The following SAMD12 variants were observed in gnomAD, a reference collection of about 807,000 sequenced individuals.
SAMD12 encodes the protein sterile alpha motif domain-containing protein 12.
A neutral mutation model predicts 15.0 loss-of-function variants in SAMD12; 9 were observed. The observed-to-expected ratio is 0.60, with a 90% CI of 0.36 to 1.05. The LOEUF is 1.05. Among genes scored for constraint, SAMD12 ranks in the 50% least tolerant of loss-of-function variants. SAMD12 has a pLI of 0.01. For synonymous variants in SAMD12, 86 were observed against 90.1 expected, an observed-to-expected ratio of 0.96 and a Z score of 0.25; for missense variants, 230 against 234.2, an observed-to-expected ratio of 0.98 and a Z score of 0.12.
intron 4 of SAMD12, among the ~76,000 whole-genome samples, chr8:118,304,897 C>T (rs1815241361): frequency 6.6e-6 from 1 of 151,086 alleles, no homozygotes; most frequent in African/African-American, 2.4e-5. Flanking sequence ...ACCTGTAATC[C>T]CAGCACTTTG....
intron 3 of SAMD12, among the ~76,000 whole-genome samples, chr8:118,425,353 T>G (rs561317273): frequency 6.6e-6 from 1 of 152,270 alleles, no homozygotes; most frequent in Admixed American, 6.5e-5. Flanking sequence ...AAAAATAAAC[T>G]GACAGAGTAA....
At chr8:118,155,346 C>T in the SAMD12 span, among the ~76,000 whole-genome samples, 4 of 152,032 alleles carry the variant, frequency 2.6e-5, no homozygotes, top group African/African-American at 4.8e-5. Flanking sequence ...AGAACGTGCT[C>T]GATGAACAGT....
chr8:118,221,804 T>C (rs1314935955), intron 4 of SAMD12, among the ~76,000 whole-genome samples: 1 of 152,240 alleles, frequency 6.6e-6, no homozygotes, highest in East Asian at 1.9e-4. Context: ...CTTGCGGCAA[T>C]TGTCAGAGTT....
chr8:118,136,837 G>T, the SAMD12 span, among the ~76,000 whole-genome samples: 6 of 152,284 alleles, frequency 3.9e-5, no homozygotes, highest in Admixed American at 1.3e-4. Context: ...TAATCAATCC[G>T]CAAGGAAGAA....
At chr8:118,229,514 CCTT>C (rs1812261454) in intron 4 of SAMD12, among the ~76,000 whole-genome samples, 1 of 152,112 alleles carries the variant, frequency 6.6e-6, no homozygotes, top group African/African-American at 2.4e-5. Flanking sequence ...AGCCTTCTCT[CCTT>C]CTCCTTTCTA....
At chr8:118,381,625 A>C (rs1819675148) in intron 3 of SAMD12, among the ~76,000 whole-genome samples, 1 of 152,204 alleles carries the variant, frequency 6.6e-6, no homozygotes, top group African/African-American at 2.4e-5. Context: ...CAGAGGTCAA[A>C]GTGAAGCGGC....
chr8:118,505,293 T>C (rs1824891504), intron 2 of SAMD12, among the ~76,000 whole-genome samples: 1 of 151,820 alleles, frequency 6.6e-6, no homozygotes, highest in Non-Finnish European at 1.5e-5. Flanking sequence ...TGGGAATTGG[T>C]GCTGCTGGCT....
intron 4 of SAMD12, among the ~76,000 whole-genome samples, chr8:118,286,740 G>C (rs549760372): frequency 4.6e-5 from 7 of 152,326 alleles, no homozygotes; most frequent in African/African-American, 1.7e-4. Flanking sequence ...CTATGTGCTA[G>C]TAGGACAAGG....
chr8:118,325,135 G>T (rs1222366236), intron 4 of SAMD12, among the ~76,000 whole-genome samples: 1 of 152,210 alleles, frequency 6.6e-6, no homozygotes, highest in African/African-American at 2.4e-5. Context: ...TCAACACAGG[G>T]ATACTGCTTT....
intron 4 of SAMD12, among the ~76,000 whole-genome samples, chr8:118,275,739 T>G (rs1404544381): frequency 1.3e-5 from 2 of 152,152 alleles, no homozygotes; most frequent in African/African-American, 2.4e-5. Context: ...ATCCCCAATG[T>G]CCATTGTAGC....
intron 4 of SAMD12, among the ~76,000 whole-genome samples, chr8:118,272,981 T>G (rs1813402472): frequency 6.6e-6 from 1 of 152,196 alleles, no homozygotes; most frequent in Non-Finnish European, 1.5e-5. Context: ...CTCTGCCTGT[T>G]ACCCAGTTCC....
At chr8:118,462,890 C>T (rs1437140863) in intron 2 of SAMD12, among the ~76,000 whole-genome samples, 1 of 151,984 alleles carries the variant, frequency 6.6e-6, no homozygotes, top group Non-Finnish European at 1.5e-5. Context: ...ATCACGAGGT[C>T]AGGAGATCGA....
intron 3 of SAMD12, among the ~76,000 whole-genome samples, chr8:118,406,755 C>A (rs62533397): frequency 2.0e-5 from 3 of 151,980 alleles, no homozygotes; most frequent in African/African-American, 7.3e-5. Flanking sequence ...ACACTAGGTA[C>A]CTCATATAAG....
intron 2 of SAMD12, among the ~76,000 whole-genome samples, chr8:118,518,672 TA>T (rs1825312026): frequency 6.6e-6 from 1 of 152,158 alleles, no homozygotes; most frequent in Non-Finnish European, 1.5e-5. Flanking sequence ...CCTGACTGCA[TA>T]ATACACACCT....
chr8:118,338,607 A>G (rs1817195851), intron 4 of SAMD12, among the ~76,000 whole-genome samples: 1 of 152,192 alleles, frequency 6.6e-6, no homozygotes, highest in South Asian at 2.1e-4. Context: ...TGTTGTTTTT[A>G]CCTTTTCTTT....
In SAMD12 at chr8:118,211,052, G is replaced by A. The variant is rs538474728; in HGVS notation, c.434-13320C>T. Among the ~76,000 whole-genome samples the A allele has an allele frequency of 7.9e-5, 12 of 152,296 alleles. No homozygotes were observed. The South Asian group carries it at 2.3e-3, about 29-fold the overall frequency. On this transcript the variant is annotated intron_variant, in intron 4 of 4. Transcript: ENST00000409003. ...GCACACAGAAAAACCACTACTGCAC[G>A]ATGTCCTGCATGCTATTATAGAAGG...
chr8:118,210,213 G>A (rs1303980478), intron 4 of SAMD12, among the ~76,000 whole-genome samples: 1 of 152,112 alleles, frequency 6.6e-6, no homozygotes, highest in African/African-American at 2.4e-5. Context: ...TGTTCCCTGG[G>A]GTTTACGTGC....
chr8:118,537,052 A>G (rs1299900604), intron 2 of SAMD12, among the ~76,000 whole-genome samples: 1 of 152,190 alleles, frequency 6.6e-6, no homozygotes, highest in Non-Finnish European at 1.5e-5. Flanking sequence ...TGGATATACT[A>G]TTCTAGGATA....
At position 118,620,504 on chromosome 8, in the gene SAMD12, A is replaced by AT. The variant is rs1365619104; in HGVS notation, c.13+1299dup. ...GATTGTAAGAGAGAGAGAGGATTTC[A>AT]TTTTTGTTAATAAAGTTAGGAAAGC... On this transcript the variant is annotated intron_variant, in intron 1 of 3. Coordinates refer to ENST00000314727, the MANE Select transcript of SAMD12 (RefSeq NM_207506.3). Among the ~76,000 whole-genome samples the AT allele has an allele frequency of 2.7e-5, 4 of 150,654 alleles. No individual in the cohort carries two copies. In the East Asian group the frequency reaches 7.8e-4, roughly 29 times the overall value.
Sources: gnomAD v4.1 joint callset for allele counts (sites outside exome capture counted in the v4.1 genomes callset) on GRCh38, gnomAD v4.1.1 for gene constraint, MANE v1.5 for transcripts, NCBI Gene and HGNC (gene_info 2026-07-23, HGNC 2026-07-21) for gene names.